Variants in PTPRD observed in about 807,000 individuals in gnomAD.
PTPRD encodes receptor-type tyrosine-protein phosphatase delta.
Under a neutral mutation model 214.5 loss-of-function variants are expected in PTPRD, and 34 were observed. That is an observed-to-expected ratio of 0.16 (90% confidence interval 0.12 to 0.21). The LOEUF (loss-of-function observed/expected upper bound fraction) is 0.21, where lower values mean the gene tolerates loss of function less well. PTPRD is among the 10% of genes least tolerant of loss of function. PTPRD has a pLI of 1.00. For synonymous variants in PTPRD, 1,128 were observed against 845.7 expected (o/e 1.33, Z -5.79); for missense variants, 2,545 against 2,398.7 (o/e 1.06, Z -1.27).
intron 6 of PTPRD, 73 bp from the exon 7 acceptor site, chr9:9,734,644 C>T (rs931595195): frequency 1.3e-5 from 2 of 151,976 alleles, no homozygotes; most frequent in South Asian, 4.1e-4. Flanking sequence ...CAATAAAATG[C>T]TATAATTCTA....
intron 9 of PTPRD, among the ~76,000 whole-genome samples, chr9:9,367,727 G>A (rs1596463957): frequency 6.6e-6 from 1 of 151,830 alleles, no homozygotes; most frequent in South Asian, 2.1e-4. Context: ...TTTCCTGGGT[G>A]TGGAGAGGCT....
chr9:9,544,577 A>G (rs2154276524), intron 8 of PTPRD, among the ~76,000 whole-genome samples: 1 of 151,774 alleles, frequency 6.6e-6, no homozygotes, highest in South Asian at 2.1e-4. Context: ...TCTGAACCAC[A>G]AAGAACATCA....
At chr9:9,196,309 C>G (rs995754644) in intron 9 of PTPRD, among the ~76,000 whole-genome samples, 1 of 152,126 alleles carries the variant, frequency 6.6e-6, no homozygotes, top group African/African-American at 2.4e-5. Context: ...TTGGTTCCAT[C>G]CATCTAATTG....
intron 3 of PTPRD, among the ~76,000 whole-genome samples, chr9:10,238,003 T>C (rs986303222): frequency 1.3e-5 from 2 of 151,296 alleles, no homozygotes; most frequent in African/African-American, 2.4e-5. Context: ...ACCTATTAAT[T>C]GCAGCTACAG....
At chr9:8,932,156 C>T (rs2098957409) in intron 11 of PTPRD, among the ~76,000 whole-genome samples, 1 of 152,092 alleles carries the variant, frequency 6.6e-6, no homozygotes, top group Non-Finnish European at 1.5e-5. Flanking sequence ...GTCTGTATCT[C>T]CTTCAGTTCT....
At chr9:10,255,587 C>T (rs1225938801) in intron 3 of PTPRD, among the ~76,000 whole-genome samples, 2 of 151,966 alleles carry the variant, frequency 1.3e-5, no homozygotes, top group Non-Finnish European at 2.9e-5. Context: ...TTTATAAACA[C>T]TGTATGCTTA....
intron 7 of PTPRD, among the ~76,000 whole-genome samples, chr9:9,618,366 T>C (rs1469732804): frequency 6.6e-6 from 1 of 151,908 alleles, no homozygotes; most frequent in Non-Finnish European, 1.5e-5. Flanking sequence ...ACCTCTTTTT[T>C]CCTCCATACC....
intron 4 of PTPRD, among the ~76,000 whole-genome samples, chr9:9,997,263 T>C (rs1588483083): frequency 6.7e-6 from 1 of 150,036 alleles, no homozygotes; most frequent in Non-Finnish European, 1.5e-5. Flanking sequence ...GAAGAAAGAA[T>C]CAGCAAACTT....
chr9:10,309,288 A>G (rs1596678665), intron 3 of PTPRD, among the ~76,000 whole-genome samples: 1 of 151,872 alleles, frequency 6.6e-6, no homozygotes, highest in Non-Finnish European at 1.5e-5. Context: ...ATGGCTTATT[A>G]ATTTCATAAA....
At chr9:10,474,821 G>C (rs1228033724) in intron 2 of PTPRD, among the ~76,000 whole-genome samples, 1 of 151,800 alleles carries the variant, frequency 6.6e-6, no homozygotes, top group Non-Finnish European at 1.5e-5. Context: ...GAACTCAGAA[G>C]TAAGAAACTC....
chr9:10,162,264 T>A (rs1592806110), intron 3 of PTPRD, among the ~76,000 whole-genome samples: 1 of 151,582 alleles, frequency 6.6e-6, no homozygotes, highest in African/African-American at 2.4e-5. Flanking sequence ...TGTAGCACCC[T>A]TTACAAAAAA....
At chr9:8,844,559 CT>C (rs539905371) in intron 11 of PTPRD, among the ~76,000 whole-genome samples, 158 of 152,220 alleles carry the variant, frequency 1.0e-3, no homozygotes, top group Middle Eastern at 6.8e-3. Context: ...TAAAAAATTT[CT>C]CATAGAAACT....
intron 37 of PTPRD, 25 bp downstream of exon 37, chr9:8,389,207 G>A (rs2135628762): frequency 6.3e-7 from 1 of 1,576,612 alleles, no homozygotes; most frequent in Non-Finnish European, 8.6e-7. Context: ...TTTTTAAAAG[G>A]AAAGAGGTGG....
At chr9:8,487,702 C>T (rs904574576) in intron 27 of PTPRD, among the ~76,000 whole-genome samples, 3 of 151,990 alleles carry the variant, frequency 2.0e-5, no homozygotes, top group Non-Finnish European at 2.9e-5. Flanking sequence ...CCCAGCTACT[C>T]GGGAGGCTGA....
At chr9:9,875,277 A>C (rs1345357262) in intron 5 of PTPRD, among the ~76,000 whole-genome samples, 1 of 152,102 alleles carries the variant, frequency 6.6e-6, no homozygotes, top group Non-Finnish European at 1.5e-5. Context: ...CATCACTAAT[A>C]ATGCAGTTAG....
chr9:8,847,477 T>C (rs1374353714), intron 11 of PTPRD, among the ~76,000 whole-genome samples: 1 of 152,144 alleles, frequency 6.6e-6, no homozygotes, highest in African/African-American at 2.4e-5. Flanking sequence ...AGTGTATGCA[T>C]GTGAGAAGCA....
chr9:9,436,044 T>C (rs7044915), intron 8 of PTPRD, among the ~76,000 whole-genome samples: 58,189 of 151,976 alleles, frequency 0.38, 11,554 homozygotes, highest in Middle Eastern at 0.56. Context: ...ACTTCTGCTC[T>C]GACTTCCTGA....
At chr9:9,726,521 A>C (rs991666206) in intron 7 of PTPRD, among the ~76,000 whole-genome samples, 3 of 152,192 alleles carry the variant, frequency 2.0e-5, no homozygotes, top group Non-Finnish European at 2.9e-5. Flanking sequence ...GTTATTCTTT[A>C]AGCATGATTT....
intron 7 of PTPRD, among the ~76,000 whole-genome samples, chr9:9,704,470 G>A (rs1316594323): frequency 2.6e-5 from 4 of 152,144 alleles, no homozygotes; most frequent in African/African-American, 9.7e-5. Flanking sequence ...CATGTATGGT[G>A]GTTGAAAGAT....
Sources: gnomAD v4.1 joint callset for allele counts (sites outside exome capture counted in the v4.1 genomes callset) on GRCh38, gnomAD v4.1.1 for gene constraint, MANE v1.5 for transcripts, NCBI Gene and HGNC (gene_info 2026-07-23, HGNC 2026-07-21) for gene names.